GDNF: variants seen among roughly 807,000 people sequenced by gnomAD.
GDNF encodes glial cell line-derived neurotrophic factor.
GDNF carries 5 observed loss-of-function variants against 13.7 expected under a neutral mutation model. The ratio of observed to expected loss-of-function variants is 0.36; its 90% CI spans 0.19 to 0.77. GDNF has a LOEUF of 0.77. GDNF is among the 30% of genes least tolerant of loss of function. GDNF has a pLI of 0.51. For synonymous variants in GDNF, 122 were observed against 112.5 expected (o/e 1.08, Z -0.53); for missense variants, 246 against 274.3 (o/e 0.90, Z 0.73).
intron 2 of GDNF, among the ~76,000 whole-genome samples, chr5:37,831,516 A>T (rs370618770): frequency 6.6e-6 from 1 of 152,244 alleles, no homozygotes; most frequent in Non-Finnish European, 1.5e-5. Context: ...ATAAATTCAG[A>T]CAACCTTGTG....
rs952035483 is a variant in GDNF, at chr5:37,815,893, G to C, written c.394C>G (p.Leu132Val). 2 of 1,614,132 alleles carry C rather than the reference G, an allele frequency of 1.2e-6. No homozygotes were observed. The highest frequency in any genetic ancestry group is 1.7e-6 in the Non-Finnish European group (2 of 1,180,046). ...AIHLNVTDLG[L>V]GYETKEELIF... is the part of the protein sequence containing the mutation. The stretch of plus-strand genomic sequence containing the variant: ...AGTTCCTCCTTGGTTTCATAGCCCA[G>C]ACCCAAGTCAGTGACATTTAAATGT... The change falls in exon 3 of 3, where the codon CTG becomes GTG. Residue 132 changes from leucine to valine, a missense_variant. By Grantham distance (32) the Leu-to-Val change is conservative. Coordinates refer to ENST00000326524, the MANE Select transcript of GDNF (RefSeq NM_000514.4). The surrounding 1 kb of genome is among the most constrained non-coding windows in gnomAD (Gnocchi z 5.0).
chr5:37,815,993 G>A lies in GDNF; in HGVS notation c.294C>T (p.Ala98=). Residue 98 remains alanine, a synonymous_variant, in exon 3 of 3, where the codon GCC becomes GCT. Coordinates refer to ENST00000326524, the MANE Select transcript of GDNF (RefSeq NM_000514.4). This position sits in a 1 kb window ranked among gnomAD's most constrained non-coding sequence, Gnocchi z 5.0. Reference sequence around the variant, plus strand: ...CTTTTCCTCTGGAATTCTCTGGGTTGGCAGCTGCAGCCTGCCGATTCCGCT... The same window carrying A: ...CTTTTCCTCTGGAATTCTCTGGGTTAGCAGCTGCAGCCTGCCGATTCCGCT... The part of the protein sequence containing the change: ...RRERNRQAAA[A]NPENSRGKGR... 1 of 1,613,902 alleles carries A rather than the reference G, an allele frequency of 6.2e-7. No individual in the cohort carries two copies.
chr5:37,817,735 G>A (rs1446134986), intron 2 of GDNF, among the ~76,000 whole-genome samples: 2 of 152,076 alleles, frequency 1.3e-5, no homozygotes, highest in Non-Finnish European at 2.9e-5. Context: ...TCAGCTGCAC[G>A]GAAATCACAA....
At chr5:37,820,194 G>C (rs1328091566) in intron 2 of GDNF, among the ~76,000 whole-genome samples, 1 of 152,170 alleles carries the variant, frequency 6.6e-6, no homozygotes, top group Non-Finnish European at 1.5e-5. Flanking sequence ...AATCAGAAAT[G>C]AGGGTAAAAC....
Position 37,839,466 on chromosome 5 carries a change from C to A in GDNF, c.-27+41G>T. ...CGGCCGCACCCACCCGCGACGCAGG[C>A]ACCACCCGCTCCCTGCTCCCCGGCC... On this transcript the variant is annotated intron_variant, in intron 1 of 2. Coordinates refer to ENST00000326524, the MANE Select transcript of GDNF (RefSeq NM_000514.4). This position sits in a 1 kb window ranked among gnomAD's most constrained non-coding sequence, Gnocchi z 5.5. 1 of 153,304 alleles carries A rather than the reference C, an allele frequency of 6.5e-6. No individual in the cohort carries two copies. The highest frequency in any genetic ancestry group is 1.5e-5 in the Non-Finnish European group (1 of 68,846). The allele number at this position is 153,304 out of a possible 1,614,324, so 9.5% of individuals were successfully genotyped here.
rs766334945 is a variant in GDNF at position 37,834,603 on chromosome 5, G to A, written c.151+43C>T. On this transcript the variant is annotated intron_variant, in intron 2 of 2. Coordinates refer to ENST00000326524, the MANE Select transcript of GDNF (RefSeq NM_000514.4). Reference sequence around the variant, plus strand: ...GCTGGCTGCGGGTGGGGGTGCGAGGGGGTCCGCCGGCGGCCCCCCCGCGGG... The same window carrying A: ...GCTGGCTGCGGGTGGGGGTGCGAGGAGGTCCGCCGGCGGCCCCCCCGCGGG... 33 of 1,424,394 alleles carry A rather than the reference G, an allele frequency of 2.3e-5. No individual in the cohort carries two copies. In the South Asian group the frequency reaches 4.8e-4, roughly 21 times the overall value. The allele number at this position is 1,424,394 out of a possible 1,614,324, so 88.2% of individuals were successfully genotyped here. A position where few individuals can be genotyped will look rare whatever the true frequency, so the allele number is the denominator to read the frequency against.
chr5:37,815,779 C>G lies in GDNF; in HGVS notation c.508G>C (p.Val170Leu). ...LKNLSRNRRL[V>L]SDKVGQACCR... ...CATGCCTGCCCTACTTTGTCACTCA[C>G]CAGCCTTCTATTTCTGGATAAGTTT... The change falls in exon 3 of 3, where the codon GTG (valine) becomes CTG (leucine). Residue 170 changes from valine (V) to leucine (L), a missense_variant. Val to Leu is a conservative substitution (Grantham distance 32). Coordinates refer to ENST00000326524, the MANE Select transcript of GDNF (RefSeq NM_000514.4). This position sits in a 1 kb window ranked among gnomAD's most constrained non-coding sequence, Gnocchi z 5.0. The G allele has an allele frequency of 6.2e-7, 1 of 1,614,188 alleles. No homozygotes were observed. The highest frequency in any genetic ancestry group is 8.5e-7 in the Non-Finnish European group (1 of 1,180,038).
rs1302465605 is a variant in GDNF, at chr5:37,834,719, C to T, written c.78G>A (p.Lys26=). The change falls in exon 2 of 3, where the codon AAG becomes AAA. Residue 26 remains lysine (K), a synonymous_variant. Transcript: ENST00000326524. ...TASAFPLPAG[K]RPPEAPAEDR... The stretch of plus-strand genomic sequence containing the variant: ...CTTCGGCGGGCGCCTCGGGAGGCCT[C>T]TTACCGGCGGGCAGCGGGAAGGCGG... 6 of 1,611,684 alleles carry T rather than the reference C, an allele frequency of 3.7e-6. No individual in the cohort carries two copies. Among genetic ancestry groups the T allele is most frequent in the Non-Finnish European group, 4.2e-6 (5 of 1,179,228 alleles).
At position 37,815,337 on chromosome 5, in the gene GDNF, A is replaced by C; in HGVS notation, c.*314T>G. 2.2e-6 allele frequency: 1 copy of C among 446,892 alleles called. No individual in the cohort carries two copies. The highest frequency in any genetic ancestry group is 4.1e-6 in the Non-Finnish European group (1 of 241,980). 27.7% of individuals were successfully genotyped at this position (446,892 alleles called of 1,614,324 possible). A position where few individuals can be genotyped will look rare whatever the true frequency, so the allele number is the denominator to read the frequency against. The stretch of plus-strand genomic sequence containing the variant: ...AGTGATGGTGGACTGTATCAGCTGA[A>C]ATGGTGGCAATAGCCAACCAGGAAC... On this transcript the variant is annotated 3_prime_UTR_variant, in exon 3 of 3. Transcript: ENST00000326524. This position sits in a 1 kb window ranked among gnomAD's most constrained non-coding sequence, Gnocchi z 5.0.
At chr5:37,835,630 TTAC>T in intron 1 of GDNF, 1 of 1,549,416 alleles carries the variant, frequency 6.5e-7, no homozygotes. Context: ...AGTAAATGCT[TTAC>T]CATTGCTGTT....
chr5:37,836,215 C>A (rs1266393354), intron 1 of GDNF, among the ~76,000 whole-genome samples: 1 of 151,726 alleles, frequency 6.6e-6, no homozygotes, highest in East Asian at 1.9e-4. Flanking sequence ...TTTTCCCATG[C>A]GGGAGGGAAA....
rs543483079 is a variant in GDNF at position 37,838,792 on chromosome 5, G to C, written c.-27+715C>G. On this transcript the variant is annotated intron_variant, in intron 1 of 2. Transcript: ENST00000326524. The surrounding 1 kb of genome is among the most constrained non-coding windows in gnomAD (Gnocchi z 4.1). ...GGCGGCACAGAGTACAGGAGAAAAA[G>C]GGGTCATTAAAATAATAACCTCAAT... Among the ~76,000 whole-genome samples, 1 of 152,278 alleles carries C rather than the reference G, an allele frequency of 6.6e-6. No individual in the cohort carries two copies. The highest frequency in any genetic ancestry group is 6.5e-5 in the Admixed American group (1 of 15,302).
At chr5:37,825,681 G>A (rs960234597) in intron 2 of GDNF, among the ~76,000 whole-genome samples, 5 of 152,160 alleles carry the variant, frequency 3.3e-5, no homozygotes, top group African/African-American at 9.7e-5. Flanking sequence ...TTCTTTCAGC[G>A]AAGCCCTGCC....
Position 37,822,707 on chromosome 5 carries a change from T to C in GDNF, c.152-6572A>G, listed in dbSNP as rs566027178. ...CTCTACAGGCCAAGTATCTGAAAAA[T>C]ATAGAGATCTCTCTCGATCTATAAA... On this transcript the variant is annotated intron_variant, in intron 2 of 2. Transcript: ENST00000326524. 2.6e-5 allele frequency among the ~76,000 whole-genome samples: 4 copies of C among 152,254 alleles called. No homozygotes were observed. In the South Asian group the frequency reaches 8.3e-4, roughly 32 times the overall value.
chr5:37,832,970 T>C (rs1750572554), intron 2 of GDNF, among the ~76,000 whole-genome samples: 1 of 152,196 alleles, frequency 6.6e-6, no homozygotes, highest in Non-Finnish European at 1.5e-5. Context: ...GCCACTGGGA[T>C]TGTGGAGTAG....
At position 37,834,725 on chromosome 5, in the gene GDNF, G is replaced by A. The variant is rs146337283; in HGVS notation, c.72C>T (p.Ala24=). ...CGGGCGCCTCGGGAGGCCTCTTACC[G>A]GCGGGCAGCGGGAAGGCGGACGCGG... The part of the protein sequence containing the change: ...LHTASAFPLP[A]GKRPPEAPAE... Residue 24 remains alanine, a synonymous_variant, in exon 2 of 3, where the codon GCC becomes GCT. Coordinates refer to ENST00000326524, the MANE Select transcript of GDNF (RefSeq NM_000514.4). The A allele has an allele frequency of 6.2e-7, 1 of 1,611,658 alleles. No homozygotes were observed. The highest frequency in any genetic ancestry group is 8.5e-7 in the Non-Finnish European group (1 of 1,179,196).
At chr5:37,835,709 A>G in intron 1 of GDNF, 1 of 1,520,428 alleles carries the variant, frequency 6.6e-7, no homozygotes, top group Non-Finnish European at 8.9e-7. Context: ...CCCTCTCTTG[A>G]CTGGATTTTT....
rs1750785725 is a variant in GDNF at position 37,838,452 on chromosome 5, A to G, written c.-27+1055T>C. On this transcript the variant is annotated intron_variant, in intron 1 of 2. Coordinates refer to ENST00000326524, the MANE Select transcript of GDNF (RefSeq NM_000514.4). The surrounding 1 kb of genome is among the most constrained non-coding windows in gnomAD (Gnocchi z 4.1). The stretch of plus-strand genomic sequence containing the variant: ...ACCTAAGCATATATTCCAAACACTG[A>G]GCAAGAGTCGAGCGCGTTCTAACAT... Among the ~76,000 whole-genome samples, 1 of 152,218 alleles carries G rather than the reference A, an allele frequency of 6.6e-6. No homozygotes were observed. The highest frequency in any genetic ancestry group is 2.4e-5 in the African/African-American group (1 of 41,454).
At chr5:37,822,929 G>A (rs1750192371) in intron 2 of GDNF, among the ~76,000 whole-genome samples, 1 of 151,998 alleles carries the variant, frequency 6.6e-6, no homozygotes, top group Non-Finnish European at 1.5e-5. Context: ...CACTAATATT[G>A]GAATATCATT....
Sources: gnomAD v4.1 joint callset for allele counts (sites outside exome capture counted in the v4.1 genomes callset) on GRCh38, gnomAD v4.1.1 for gene constraint, Gnocchi (gnomAD v3.1) non-coding constraint, MANE v1.5 for transcripts, NCBI Gene and HGNC (gene_info 2026-07-23, HGNC 2026-07-21) for gene names.